The following ALKBH3 variants were observed in gnomAD, a reference collection of about 807,000 sequenced individuals.
ALKBH3 encodes alpha-ketoglutarate-dependent dioxygenase alkB homolog 3.
ALKBH3 carries 51 observed loss-of-function variants against 43.9 expected under a neutral mutation model. The observed-to-expected ratio is 1.16, with a 90% CI of 0.93 to 1.47. The LOEUF (loss-of-function observed/expected upper bound fraction) is 1.47. Ranked by LOEUF, ALKBH3 falls within the 40% of genes most tolerant of loss-of-function variation. The pLI, the probability that ALKBH3 is intolerant of heterozygous loss-of-function variation, is 0.00. For synonymous variants in ALKBH3, 102 were observed against 115.2 expected (o/e 0.89, Z 0.73); for missense variants, 361 against 351.9 (o/e 1.03, Z -0.21).
intron 7 of ALKBH3, chr11:43,898,475 TG>T: frequency 1.1e-6 from 1 of 942,888 alleles, no homozygotes; most frequent in Non-Finnish European, 1.7e-6. Flanking sequence ...CTGGGGCAGA[TG>T]GACACCAACG....
intron 7 of ALKBH3, chr11:43,899,636 C>T (rs958409466): frequency 1.5e-5 from 7 of 475,856 alleles, no homozygotes; most frequent in Admixed American, 3.5e-5. Flanking sequence ...ACCCTCCCGC[C>T]GAGCAGAGAC....
At chr11:43,885,831 T>G (rs1802419359) in intron 4 of ALKBH3, among the ~76,000 whole-genome samples, 1 of 152,200 alleles carries the variant, frequency 6.6e-6, no homozygotes, top group African/African-American at 2.4e-5. Context: ...GACTGTAAGG[T>G]CTAGTGGTAA....
intron 8 of ALKBH3, chr11:43,917,044 A>AT (rs1951989029): frequency 6.6e-6 from 1 of 152,356 alleles, no homozygotes; most frequent in South Asian, 2.1e-4. Context: ...TTGTGGACTG[A>AT]TTCGAGTGGC....
intron 8 of ALKBH3, among the ~76,000 whole-genome samples, chr11:43,904,789 C>T (rs1951885114): frequency 6.6e-6 from 1 of 152,098 alleles, no homozygotes; most frequent in Non-Finnish European, 1.5e-5. Flanking sequence ...GAACATGACT[C>T]ATGATTCATA....
chr11:43,889,676 A>G (rs1793086390), intron 5 of ALKBH3, 49 bp from the exon 6 acceptor site: 2 of 1,521,682 alleles, frequency 1.3e-6, no homozygotes, highest in Middle Eastern at 1.7e-4. Context: ...TTAGAGTCTA[A>G]CTTATCTTTT....
intron 5 of ALKBH3, 35 bp downstream of exon 5, chr11:43,886,688 T>TGGCCGAATAGGAA: frequency 6.3e-7 from 1 of 1,597,236 alleles, no homozygotes; most frequent in African/African-American, 1.3e-5. Context: ...ACCGTAATTA[T>TGGCCGAATAGGAA]CACTGAGTTA....
intron 7 of ALKBH3, chr11:43,898,913 A>G: frequency 1.3e-6 from 1 of 750,016 alleles, no homozygotes; most frequent in Non-Finnish European, 2.5e-6. Flanking sequence ...GCAAAGTGCC[A>G]GAGGGTGGAC....
At chr11:43,882,825 T>C in intron 2 of ALKBH3, 94 bp downstream of exon 2, 1 of 1,284,210 alleles carries the variant, frequency 7.8e-7, no homozygotes. Context: ...GACTTCCATT[T>C]CAATTGACGT....
chr11:43,895,266 C>T (rs181342718), intron 7 of ALKBH3, among the ~76,000 whole-genome samples: 97 of 152,276 alleles, frequency 6.4e-4, no homozygotes, highest in African/African-American at 1.9e-3. Flanking sequence ...TAATAATCCC[C>T]GTGTATCAAG....
intron 8 of ALKBH3, chr11:43,909,271 T>G (rs1951919079): frequency 1.3e-5 from 2 of 152,248 alleles, no homozygotes; most frequent in African/African-American, 4.8e-5. Flanking sequence ...GTCAGCAGAA[T>G]AACTCTGCAA....
intron 8 of ALKBH3, chr11:43,912,620 G>A (rs931186331): frequency 3.9e-5 from 6 of 152,150 alleles, no homozygotes; most frequent in Non-Finnish European, 8.8e-5. Context: ...GAGATGATGT[G>A]GAAAACCAAC....
intron 8 of ALKBH3, among the ~76,000 whole-genome samples, chr11:43,902,622 G>C (rs1242310989): frequency 6.6e-6 from 1 of 152,224 alleles, no homozygotes; most frequent in Non-Finnish European, 1.5e-5. Context: ...TAGAGAGGGA[G>C]TCTCACTCTG....
At position 43,901,732 on chromosome 11, in the gene ALKBH3, A is replaced by G. The variant is rs755492169; in HGVS notation, c.669+7A>G. 6.2e-7 allele frequency: 1 copy of G among 1,613,906 alleles called. No individual in the cohort carries two copies. The highest frequency in any genetic ancestry group is 1.1e-5 in the South Asian group (1 of 91,072). On this transcript the variant is annotated splice_region_variant and intron_variant, in intron 8 of 9. Coordinates refer to ENST00000302708, the MANE Select transcript of ALKBH3 (RefSeq NM_139178.4). ...GAGAAAGAAGCCACCACCAGTGAGT[A>G]TTCTCTTTTTCTTATGCTCTTCCTG...
At position 43,880,861 on chromosome 11, in the gene ALKBH3, G is replaced by A. The variant is rs1951705318; in HGVS notation, c.-389G>A. ...TAAGGTTCCGATCACAGACTGCGGA[G>A]TGGGTCAGGGGCTGCGAGGGCTGCC... On this transcript the variant is annotated 5_prime_UTR_variant, in exon 1 of 10. It adds an upstream start codon to the 5' untranslated region. Transcript: ENST00000302708. 6.6e-6 allele frequency: 1 copy of A among 152,152 alleles called. No individual in the cohort carries two copies. Among genetic ancestry groups the A allele is most frequent in the Non-Finnish European group, 1.5e-5 (1 of 68,066 alleles). The allele number at this position is 152,152 out of a possible 1,614,324, so 9.4% of individuals were successfully genotyped here.
In ALKBH3 at chr11:43,913,968, G is replaced by C. The variant is rs149804591; in HGVS notation, c.670-5070G>C. The stretch of plus-strand genomic sequence containing the variant: ...AAGAGGGGGCAGCACTGGGGGAACA[G>C]TGATCTGAAATGGCTCATTGGCAGA... On this transcript the variant is annotated intron_variant, in intron 8 of 9. Transcript: ENST00000302708. Among the ~76,000 whole-genome samples, 12 of 152,368 alleles carry C rather than the reference G, an allele frequency of 7.9e-5. No individual in the cohort carries two copies. The East Asian group carries it at 2.1e-3, about 27-fold the overall frequency.
chr11:43,881,049 T>G lies in ALKBH3; in HGVS notation c.-201T>G, dbSNP rs1367808714. On this transcript the variant is annotated 5_prime_UTR_variant, in exon 1 of 10. Transcript: ENST00000302708. ...TTCTAGGCCTCCTTAAAGAGAAGGA[T>G]CTAAATTAGGAAAAGGAAGTGCCCT... The G allele has an allele frequency of 6.6e-6, 1 of 152,288 alleles. No individual in the cohort carries two copies. The highest frequency in any genetic ancestry group is 1.5e-5 in the Non-Finnish European group (1 of 68,136). The allele number at this position is 152,288 out of a possible 1,614,324, so 9.4% of individuals were successfully genotyped here. A position where few individuals can be genotyped will look rare whatever the true frequency, so the allele number is the denominator to read the frequency against.
At chr11:43,919,897 G>T in intron 9 of ALKBH3, 21 bp from the exon 10 acceptor site, 1 of 1,600,050 alleles carries the variant, frequency 6.2e-7, no homozygotes, top group Non-Finnish European at 8.6e-7. Context: ...TTATGTCAGA[G>T]TTATGTGTAT....
intron 8 of ALKBH3, among the ~76,000 whole-genome samples, chr11:43,917,993 T>TTTGTAAA (rs1951997299): frequency 6.6e-6 from 1 of 152,222 alleles, no homozygotes; most frequent in Non-Finnish European, 1.5e-5. Context: ...AGTTAAGTTC[T>TTTGTAAA]CAGAAGCACC....
intron 8 of ALKBH3, among the ~76,000 whole-genome samples, chr11:43,902,756 C>T (rs1343909307): frequency 6.6e-6 from 1 of 152,238 alleles, no homozygotes; most frequent in Non-Finnish European, 1.5e-5. Flanking sequence ...GCCAGGACCC[C>T]TGGCTAATTT....
Sources: gnomAD v4.1 joint callset for allele counts (sites outside exome capture counted in the v4.1 genomes callset) on GRCh38, gnomAD v4.1.1 for gene constraint, MANE v1.5 for transcripts, NCBI Gene and HGNC (gene_info 2026-07-23, HGNC 2026-07-21) for gene names.